The following DIPK2A variants were observed in gnomAD, a reference collection of about 807,000 sequenced individuals.
DIPK2A encodes divergent protein kinase domain 2A.
Under a neutral mutation model 39.0 loss-of-function variants are expected in DIPK2A, and 27 were observed. The ratio of observed to expected loss-of-function variants is 0.69; its 90% CI spans 0.51 to 0.96. The LOEUF (loss-of-function observed/expected upper bound fraction) is 0.96, where lower values mean the gene tolerates loss of function less well. DIPK2A is among the 40% of genes least tolerant of loss of function. DIPK2A has a pLI of 0.00. For synonymous variants in DIPK2A, 298 were observed against 240.8 expected (o/e 1.24, Z -2.20); for missense variants, 528 against 571.3 (o/e 0.92, Z 0.77).
intron 2 of DIPK2A, among the ~76,000 whole-genome samples, chr3:143,986,693 C>G (rs1223538576): frequency 6.7e-5 from 10 of 149,036 alleles, no homozygotes; most frequent in African/African-American, 2.5e-4. Flanking sequence ...CCACTGCACT[C>G]CAGCCTGGGC....
At chr3:143,981,655 G>C (rs749149083) in intron 1 of DIPK2A, among the ~76,000 whole-genome samples, 1 of 151,954 alleles carries the variant, frequency 6.6e-6, no homozygotes, top group South Asian at 2.1e-4. Context: ...TTCTTAAACA[G>C]ATGATAAATA....
chr3:143,985,273 T>C (rs2087882930), intron 1 of DIPK2A, among the ~76,000 whole-genome samples: 1 of 152,246 alleles, frequency 6.6e-6, no homozygotes, highest in Non-Finnish European at 1.5e-5. Context: ...GTCTTCCCTC[T>C]TATTGATCAT....
intron 1 of DIPK2A, among the ~76,000 whole-genome samples, chr3:143,980,831 C>G (rs2087818525): frequency 6.6e-6 from 1 of 151,694 alleles, no homozygotes; most frequent in South Asian, 2.1e-4. Flanking sequence ...AAGCTATGTT[C>G]CTTTTAATGG....
chr3:143,986,334 T>A lies in DIPK2A; in HGVS notation c.961+488T>A, dbSNP rs1167797750. Among the ~76,000 whole-genome samples the A allele has an allele frequency of 3.3e-5, 5 of 152,224 alleles. No individual in the cohort carries two copies. The East Asian group carries it at 9.6e-4, about 29-fold the overall frequency. The stretch of plus-strand genomic sequence containing the variant: ...CCTGGCACTGCAGCTCTGAGTTTGG[T>A]TTGACATTCTGATTATTACATCTCA... On this transcript the variant is annotated intron_variant, in intron 2 of 2. Coordinates refer to ENST00000315691, the MANE Select transcript of DIPK2A (RefSeq NM_173552.5).
Position 143,985,788 on chromosome 3 carries a change from G to C in DIPK2A, c.903G>C (p.Lys301Asn). ...TTGCAGTTGGTCCTAGAGATGGGAA[G>C]GTAATCATTGTGGATGCTGAAAATG... ...DNFAVGPRDG[K>N]VIIVDAENVL... Residue 301 changes from lysine to asparagine, a missense_variant, in exon 2 of 3, where the codon AAG (lysine) becomes AAC (asparagine). Physicochemically the swap from Lys to Asn is moderately conservative, Grantham distance 94. Coordinates refer to ENST00000315691, the MANE Select transcript of DIPK2A (RefSeq NM_173552.5). 2 of 1,614,042 alleles carry C rather than the reference G, an allele frequency of 1.2e-6. No homozygotes were observed. The highest frequency in any genetic ancestry group is 1.7e-6 in the Non-Finnish European group (2 of 1,179,980).
intron 1 of DIPK2A, among the ~76,000 whole-genome samples, chr3:143,981,658 G>A (rs547721481): frequency 5.9e-4 from 90 of 152,052 alleles, no homozygotes; most frequent in Admixed American, 1.4e-3. Context: ...TTAAACAGAT[G>A]ATAAATAAGC....
intron 1 of DIPK2A, among the ~76,000 whole-genome samples, chr3:143,974,806 A>C (rs1177682395): frequency 6.6e-6 from 1 of 152,168 alleles, no homozygotes; most frequent in Non-Finnish European, 1.5e-5. Flanking sequence ...AAGTGTAGTC[A>C]TAGCATTGAA....
chr3:143,977,323 TTA>T (rs571256644), intron 1 of DIPK2A, among the ~76,000 whole-genome samples: 11 of 152,064 alleles, frequency 7.2e-5, no homozygotes, highest in South Asian at 4.1e-4. Flanking sequence ...AATTTGGTTT[TTA>T]TTGTTGTTGT....
At chr3:143,973,014 G>C in intron 1 of DIPK2A, 25 bp downstream of exon 1, 1 of 1,559,104 alleles carries the variant, frequency 6.4e-7, no homozygotes, top group Non-Finnish European at 8.7e-7. Context: ...AGGGCAGGGG[G>C]CGTCCTGGGA....
chr3:143,982,091 A>G (rs925776824), intron 1 of DIPK2A, among the ~76,000 whole-genome samples: 12 of 152,196 alleles, frequency 7.9e-5, no homozygotes, highest in African/African-American at 2.9e-4. Flanking sequence ...CACGTTTCCA[A>G]TTTTTAAGTT....
At chr3:143,982,506 A>G (rs1178589782) in intron 1 of DIPK2A, among the ~76,000 whole-genome samples, 2 of 152,220 alleles carry the variant, frequency 1.3e-5, no homozygotes, top group Admixed American at 6.5e-5. Flanking sequence ...ATTAAGCTTC[A>G]TAAGCGAAGG....
Position 143,972,617 on chromosome 3 carries a change from G to A in DIPK2A, c.285G>A (p.Gln95=). ...ACGTGAAGAACGTGTACTTCGCGCA[G>A]TACGGCGAGCCCCGCGAGGGCGGCC... ...FLNVKNVYFA[Q]YGEPREGGRR... The change falls in exon 1 of 3, where the codon CAG becomes CAA. Residue 95 remains glutamine, a synonymous_variant. Coordinates refer to ENST00000315691, the MANE Select transcript of DIPK2A (RefSeq NM_173552.5). 6.2e-7 allele frequency: 1 copy of A among 1,612,012 alleles called. No homozygotes were observed. Among genetic ancestry groups the A allele is most frequent in the Non-Finnish European group, 8.5e-7 (1 of 1,179,644 alleles).
At chr3:143,985,888 T>C (rs534455903) in intron 2 of DIPK2A, 42 bp downstream of exon 2, 4 of 1,470,740 alleles carry the variant, frequency 2.7e-6, no homozygotes, top group Non-Finnish European at 2.8e-6. Flanking sequence ...CATTTTTTCC[T>C]ATGTCAAAAT....
intron 1 of DIPK2A, chr3:143,978,616 C>CTATATATATATATATA (rs59804208): frequency 7.9e-6 from 1 of 126,124 alleles, no homozygotes; most frequent in African/African-American, 2.9e-5. Flanking sequence ...ATATATATAT[C>CTATATATATATATATA]TATATCTATA....
chr3:143,972,617 G>C lies in DIPK2A; in HGVS notation c.285G>C (p.Gln95His). The C allele has an allele frequency of 6.2e-7, 1 of 1,612,012 alleles. No individual in the cohort carries two copies. Among genetic ancestry groups the C allele is most frequent in the Non-Finnish European group, 8.5e-7 (1 of 1,179,644 alleles). The change falls in exon 1 of 3, where the codon CAG (glutamine) becomes CAC (histidine). Residue 95 changes from glutamine (Q) to histidine (H), a missense_variant. This residue lies in a region of DIPK2A where 309 missense variants were observed against 289.8 expected (regional missense o/e 1.07). Coordinates refer to ENST00000315691, the MANE Select transcript of DIPK2A (RefSeq NM_173552.5). Reference sequence around the variant, plus strand: ...ACGTGAAGAACGTGTACTTCGCGCAGTACGGCGAGCCCCGCGAGGGCGGCC... The same window carrying C: ...ACGTGAAGAACGTGTACTTCGCGCACTACGGCGAGCCCCGCGAGGGCGGCC... The part of the protein sequence containing the change: ...FLNVKNVYFA[Q>H]YGEPREGGRR...
Position 143,972,235 on chromosome 3 carries a change from C to A in DIPK2A, c.-98C>A. The A allele has an allele frequency of 8.5e-7, 1 of 1,173,480 alleles. No individual in the cohort carries two copies. The highest frequency in any genetic ancestry group is 1.1e-6 in the Non-Finnish European group (1 of 901,274). The allele number at this position is 1,173,480 out of a possible 1,614,324, so 72.7% of individuals were successfully genotyped here. A position where few individuals can be genotyped will look rare whatever the true frequency, so the allele number is the denominator to read the frequency against. On this transcript the variant is annotated 5_prime_UTR_variant, in exon 1 of 3. Coordinates refer to ENST00000315691, the MANE Select transcript of DIPK2A (RefSeq NM_173552.5). ...GCCCCAGCCCGCGCGCTAGCTCCTT[C>A]TCTCGCCCGGGGTTCCTGCCGGTAG...
intron 2 of DIPK2A, among the ~76,000 whole-genome samples, chr3:143,988,847 C>G (rs944705371): frequency 6.6e-6 from 1 of 152,202 alleles, no homozygotes; most frequent in Non-Finnish European, 1.5e-5. Context: ...TTTCTCCAAT[C>G]TAGCTTTTCA....
chr3:143,978,626 A>ATATATCTATATATCTATC (rs2087770137), intron 1 of DIPK2A: 2 of 33,938 alleles, frequency 5.9e-5, no homozygotes, highest in Non-Finnish European at 9.5e-5. Context: ...CTATATCTAT[A>ATATATCTATATATCTATC]TATATATATA....
Position 143,990,622 on chromosome 3 carries a change from A to G in DIPK2A, c.*781A>G, listed in dbSNP as rs761447800. On this transcript the variant is annotated 3_prime_UTR_variant, in exon 3 of 3. Transcript: ENST00000315691. Reference sequence around the variant, plus strand: ...TGCAAAATGTCATTTTATCTTTTCTAAAGGCTTTAAGAAGAATATACTAGA... The same window carrying G: ...TGCAAAATGTCATTTTATCTTTTCTGAAGGCTTTAAGAAGAATATACTAGA... 1.3e-5 allele frequency: 2 copies of G among 152,586 alleles called. No homozygotes were observed. Among genetic ancestry groups the G allele is most frequent in the African/African-American group, 2.4e-5 (1 of 41,452 alleles). The allele number at this position is 152,586 out of a possible 1,614,324, so 9.5% of individuals were successfully genotyped here.
Sources: allele counts gnomAD v4.1 joint callset (sites outside exome capture counted in the v4.1 genomes callset), GRCh38; gene constraint gnomAD v4.1.1; regional missense constraint gnomAD v4.1.1; transcripts MANE v1.5; gene names NCBI Gene and HGNC (gene_info 2026-07-23, HGNC 2026-07-21).